Variants in TMEM72 observed in about 807,000 individuals in gnomAD.
TMEM72 encodes the protein transmembrane protein 72.
In TMEM72, 9 loss-of-function variants were observed where a neutral mutation model predicts 16.3. That is an observed-to-expected ratio of 0.55 (90% CI 0.33 to 0.96). The LOEUF is 0.96. Ranked by LOEUF, TMEM72 falls within the 40% of genes least tolerant of loss-of-function variation. The pLI is 0.03. For synonymous variants in TMEM72, 160 were observed against 146.5 expected (o/e 1.09, Z -0.66); for missense variants, 324 against 337.8 (o/e 0.96, Z 0.32).
intron 3 of TMEM72, among the ~76,000 whole-genome samples, chr10:44,932,893 T>C (rs1362655804): frequency 6.6e-6 from 1 of 152,194 alleles, no homozygotes; most frequent in Non-Finnish European, 1.5e-5. Flanking sequence ...CAGTGAGCCA[T>C]GGCAGTCCAG....
chr10:44,916,606 A>C (rs904189062), intron 1 of TMEM72, among the ~76,000 whole-genome samples: 2 of 152,146 alleles, frequency 1.3e-5, no homozygotes, highest in African/African-American at 4.8e-5. Flanking sequence ...CTGCTGTTTA[A>C]GAAAGTGTCA....
At chr10:44,922,273 C>G (rs955208487) in intron 1 of TMEM72, among the ~76,000 whole-genome samples, 1 of 152,190 alleles carries the variant, frequency 6.6e-6, no homozygotes, top group Admixed American at 6.5e-5. Context: ...CGGGAACAGA[C>G]GCTCAGCAGA....
rs762854353 is a variant in TMEM72, at chr10:44,933,663, G to C, written c.236G>C (p.Arg79Thr). Residue 79 changes from arginine to threonine, a missense_variant, in exon 4 of 5, where the codon AGA becomes ACA. Coordinates refer to ENST00000389583, the MANE Select transcript of TMEM72 (RefSeq NM_001123376.3). ...TGTCAACCAGGGTCCCTGGCAGACA[G>C]AGTAAGGGAGAAAGCCCACTGGCTG... ...FQCQPGSLAD[R>T]VREKAHWLGC... The C allele has an allele frequency of 6.2e-7, 1 of 1,614,074 alleles. No individual in the cohort carries two copies. Among genetic ancestry groups the C allele is most frequent in the South Asian group, 1.1e-5 (1 of 91,080 alleles).
At chr10:44,924,539 G>A (rs1182016754) in intron 1 of TMEM72, among the ~76,000 whole-genome samples, 1 of 152,240 alleles carries the variant, frequency 6.6e-6, no homozygotes, top group Non-Finnish European at 1.5e-5. Flanking sequence ...CCCAAGGAGG[G>A]TGGGCCTGCC....
intron 1 of TMEM72, among the ~76,000 whole-genome samples, chr10:44,916,531 G>A (rs1166477240): frequency 6.6e-6 from 1 of 152,148 alleles, no homozygotes; most frequent in African/African-American, 2.4e-5. Flanking sequence ...TGCTTCTGAA[G>A]CAGCCATCTT....
chr10:44,926,667 T>A (rs758455028), intron 1 of TMEM72, among the ~76,000 whole-genome samples: 6 of 152,104 alleles, frequency 3.9e-5, no homozygotes, highest in Non-Finnish European at 8.8e-5. Context: ...CAGTCGCCCA[T>A]GAAGCACAGC....
At chr10:44,916,317 A>AC (rs1344153964) in intron 1 of TMEM72, among the ~76,000 whole-genome samples, 4 of 152,140 alleles carry the variant, frequency 2.6e-5, no homozygotes, top group Non-Finnish European at 5.9e-5. Context: ...CCAGGTTTTG[A>AC]CCCATTAACC....
At chr10:44,921,355 C>G (rs1840095748) in intron 1 of TMEM72, among the ~76,000 whole-genome samples, 1 of 152,052 alleles carries the variant, frequency 6.6e-6, no homozygotes, top group Admixed American at 6.5e-5. Context: ...TGGAAGGAGT[C>G]AAAGGCCACT....
chr10:44,935,171 T>A lies in TMEM72; in HGVS notation c.*37T>A. On this transcript the variant is annotated 3_prime_UTR_variant, in exon 5 of 5. Coordinates refer to ENST00000389583, the MANE Select transcript of TMEM72 (RefSeq NM_001123376.3). ...AGCCTGGAGGACGCTCAGTGAGGGG[T>A]CTACCTAGCTCAATGGCCCTCCCTG... 1 of 1,515,214 alleles carries A rather than the reference T, an allele frequency of 6.6e-7. No homozygotes were observed. Among genetic ancestry groups the A allele is most frequent in the South Asian group, 1.3e-5 (1 of 75,830 alleles). The allele number at this position is 1,515,214 out of a possible 1,614,324, so 93.9% of individuals were successfully genotyped here.
chr10:44,916,310 G>T (rs572799384), intron 1 of TMEM72, among the ~76,000 whole-genome samples: 1 of 152,154 alleles, frequency 6.6e-6, no homozygotes, highest in African/African-American at 2.4e-5. Flanking sequence ...TTTTGTTCCA[G>T]GTTTTGACCC....
In TMEM72 at chr10:44,935,001, TC is replaced by T; in HGVS notation, c.699del (p.Ser234ProfsTer87). 6.2e-7 allele frequency: 1 copy of T among 1,613,860 alleles called. No individual in the cohort carries two copies. Among genetic ancestry groups the T allele is most frequent in the Non-Finnish European group, 8.5e-7 (1 of 1,179,994 alleles). On this transcript the variant is annotated frameshift_variant, in exon 5 of 5. Coordinates refer to ENST00000389583, the MANE Select transcript of TMEM72 (RefSeq NM_001123376.3). LOFTEE classifies it low-confidence loss of function (END_TRUNC). Reference protein sequence around the residue: ...VHFEDNLVRIVPSLAEGLDDG... With the variant: ...VHFEDNLVRIXPSLAEGLDDG... ...TTTGAAGACAACTTGGTCCGCATAG[TC>T]CCCTCCCTCGCCGAAGGTCTGGATG... is the stretch of plus-strand genomic sequence containing the variant.
rs1243253330 is a variant in TMEM72, at chr10:44,911,469, T to G, written c.-44T>G. On this transcript the variant is annotated 5_prime_UTR_variant, in exon 1 of 5. Transcript: ENST00000389583. ...TCGGGAGCATCTCAGGGCCGAAGACTTTGCTGCCTGCCCTGCCAGGACTTT... is the reference window on the plus strand; with the variant it reads ...TCGGGAGCATCTCAGGGCCGAAGACGTTGCTGCCTGCCCTGCCAGGACTTT... 1.9e-6 allele frequency: 3 copies of G among 1,544,110 alleles called. No individual in the cohort carries two copies. Among genetic ancestry groups the G allele is most frequent in the Non-Finnish European group, 8.8e-7 (1 of 1,142,828 alleles).
chr10:44,933,560 G>A lies in TMEM72; in HGVS notation c.210-77G>A, dbSNP rs373213510. 3.3e-5 allele frequency: 51 copies of A among 1,547,020 alleles called. No homozygotes were observed. The East Asian group carries it at 6.1e-4, about 19-fold the overall frequency. ...CAGAGCATGCCCACAGCAGGGCCTG[G>A]CCCAGACTCCATGGCATCCAGTCTT... On this transcript the variant is annotated intron_variant, in intron 3 of 4. Transcript: ENST00000389583.
intron 1 of TMEM72, among the ~76,000 whole-genome samples, chr10:44,912,416 G>C (rs1237037070): frequency 6.6e-6 from 1 of 152,184 alleles, no homozygotes; most frequent in East Asian, 1.9e-4. Flanking sequence ...CCTTAACTCT[G>C]AGCCACATTG....
chr10:44,930,688 T>C (rs775560224), intron 2 of TMEM72, among the ~76,000 whole-genome samples: 18 of 152,086 alleles, frequency 1.2e-4, no homozygotes, highest in Non-Finnish European at 2.2e-4. Flanking sequence ...GGAGTGGAGA[T>C]CACTAAATGA....
chr10:44,913,309 A>C (rs896344142), intron 1 of TMEM72, among the ~76,000 whole-genome samples: 4 of 152,184 alleles, frequency 2.6e-5, no homozygotes, highest in African/African-American at 9.7e-5. Flanking sequence ...CACTCCACCC[A>C]GAGCTGAGGC....
At chr10:44,920,595 C>A (rs1840080343) in intron 1 of TMEM72, among the ~76,000 whole-genome samples, 1 of 152,190 alleles carries the variant, frequency 6.6e-6, no homozygotes, top group Admixed American at 6.5e-5. Context: ...CAGGGAACAG[C>A]TTTTTGGCCA....
At chr10:44,928,081 C>T in intron 2 of TMEM72, 94 bp downstream of exon 2, 2 of 1,404,906 alleles carry the variant, frequency 1.4e-6, no homozygotes, top group South Asian at 2.4e-5. Context: ...CAGTCCCCTT[C>T]CCATGTGAAT....
chr10:44,925,248 C>T (rs888877948), intron 1 of TMEM72, among the ~76,000 whole-genome samples: 2 of 152,194 alleles, frequency 1.3e-5, no homozygotes, highest in Non-Finnish European at 2.9e-5. Context: ...CCCCTCTGAC[C>T]GCTGACCCTC....
Sources: allele counts gnomAD v4.1 joint callset (sites outside exome capture counted in the v4.1 genomes callset), GRCh38; gene constraint gnomAD v4.1.1; transcripts MANE v1.5; gene names NCBI Gene and HGNC (gene_info 2026-07-23, HGNC 2026-07-21).